The following OSBPL5 variants were observed in gnomAD, a reference collection of about 807,000 sequenced individuals.
OSBPL5 encodes oxysterol-binding protein-related protein 5.
In OSBPL5, 71 loss-of-function variants were observed where a neutral mutation model predicts 111.2. The observed-to-expected ratio is 0.64, with a 90% CI of 0.53 to 0.78. The LOEUF (loss-of-function observed/expected upper bound fraction) is 0.78. Among genes scored for constraint, OSBPL5 ranks in the 30% least tolerant of loss-of-function variants. OSBPL5 has a pLI of 0.00. For synonymous variants in OSBPL5, 549 were observed against 513.9 expected (o/e 1.07, Z -0.93); for missense variants, 1,210 against 1,189.3 (o/e 1.02, Z -0.26).
At chr11:3,096,511 C>T (rs1275517119) in intron 14 of OSBPL5, among the ~76,000 whole-genome samples, 2 of 150,920 alleles carry the variant, frequency 1.3e-5, no homozygotes, top group East Asian at 2.0e-4. Flanking sequence ...GCTAGCTACT[C>T]GGGAGGCTGA....
chr11:3,159,611 T>C (rs1846892830), intron 1 of OSBPL5, among the ~76,000 whole-genome samples: 1 of 152,086 alleles, frequency 6.6e-6, no homozygotes, highest in Admixed American at 6.5e-5. Flanking sequence ...CTGGGACCAA[T>C]GCCAAGTTCA....
At position 3,109,114 on chromosome 11, in the gene OSBPL5, G is replaced by T. The variant is rs1487228357; in HGVS notation, c.692-1169C>A. On this transcript the variant is annotated intron_variant, in intron 7 of 21. Coordinates refer to ENST00000263650, the MANE Select transcript of OSBPL5 (RefSeq NM_020896.4). This position sits in a 1 kb window ranked among gnomAD's most constrained non-coding sequence, Gnocchi z 7.4. ...TGTTTTTTTGTTGTTTTGAGATGGA[G>T]TCTCGCTCTGTCACCCAGGCTGGAG... Among the ~76,000 whole-genome samples the T allele has an allele frequency of 6.6e-6, 1 of 151,106 alleles. No individual in the cohort carries two copies. Among genetic ancestry groups the T allele is most frequent in the Non-Finnish European group, 1.5e-5 (1 of 67,900 alleles).
intron 21 of OSBPL5, among the ~76,000 whole-genome samples, chr11:3,088,549 A>T (rs1856952442): frequency 6.6e-6 from 1 of 152,088 alleles, no homozygotes; most frequent in Admixed American, 6.6e-5. Context: ...CTATACTGGG[A>T]TTCCCTGGGC....
intron 1 of OSBPL5, among the ~76,000 whole-genome samples, chr11:3,153,039 T>C (rs150227915): frequency 2.0e-3 from 307 of 152,006 alleles, no homozygotes; most frequent in African/African-American, 7.0e-3. Context: ...TCTGGGGCCA[T>C]TGAGTACAGG....
intron 15 of OSBPL5, 86 bp downstream of exon 15, chr11:3,094,151 T>G: frequency 7.5e-7 from 1 of 1,336,756 alleles, no homozygotes; most frequent in Non-Finnish European, 1.0e-6. Context: ...GGAACCTTCC[T>G]TGGGGCCTGG....
chr11:3,163,073 C>A (rs941412333), intron 1 of OSBPL5, among the ~76,000 whole-genome samples: 2 of 152,210 alleles, frequency 1.3e-5, no homozygotes, highest in Non-Finnish European at 2.9e-5. Flanking sequence ...CACTGTGCAA[C>A]CCTGGGCCTC....
chr11:3,138,425 A>C (rs1452679134), intron 1 of OSBPL5, among the ~76,000 whole-genome samples: 1 of 152,236 alleles, frequency 6.6e-6, no homozygotes, highest in Non-Finnish European at 1.5e-5. Context: ...AGCAGGGGTC[A>C]GCCGGGGAGG....
rs1856921944 is a variant in OSBPL5 at position 3,087,808 on chromosome 11, C to T, written c.*397G>A. On this transcript the variant is annotated 3_prime_UTR_variant, in exon 22 of 22. Transcript: ENST00000263650. Reference sequence around the variant, plus strand: ...ACTCCTGGGCCACTCGGGGCTCCTCCAAACCTGCCCACTCACTGCTGCTGG... The same window carrying T: ...ACTCCTGGGCCACTCGGGGCTCCTCTAAACCTGCCCACTCACTGCTGCTGG... The T allele has an allele frequency of 1.4e-5, 1 of 72,866 alleles. No homozygotes were observed. The highest frequency in any genetic ancestry group is 1.6e-4 in the Admixed American group (1 of 6,292). The allele number at this position is 72,866 out of a possible 1,614,324, so 4.5% of individuals were successfully genotyped here. A position where few individuals can be genotyped will look rare whatever the true frequency, so the allele number is the denominator to read the frequency against.
rs1360601046 is a variant in OSBPL5, at chr11:3,092,895, T to C, written c.2104A>G (p.Thr702Ala). The C allele has an allele frequency of 6.4e-7, 1 of 1,556,838 alleles. No individual in the cohort carries two copies. Among genetic ancestry groups the C allele is most frequent in the Non-Finnish European group, 8.7e-7 (1 of 1,149,660 alleles). Residue 702 changes from threonine to alanine, a missense_variant, in exon 18 of 22, where the codon ACC (threonine) becomes GCC (alanine). Coordinates refer to ENST00000263650, the MANE Select transcript of OSBPL5 (RefSeq NM_020896.4). This position sits in a 1 kb window ranked among gnomAD's most constrained non-coding sequence, Gnocchi z 5.4. ...TCGTATCGGTAGTGCCACTCCTGGG[T>C]GATGGGGTCCAGGTGGAACAGCTGC... ...KPQLFHLDPITQEWHYRYEDH... is the reference protein window; with the variant it reads ...KPQLFHLDPIAQEWHYRYEDH...
At chr11:3,127,006 C>A (rs1325593197) in intron 2 of OSBPL5, among the ~76,000 whole-genome samples, 1 of 152,166 alleles carries the variant, frequency 6.6e-6, no homozygotes. Context: ...GGGAGGTGGT[C>A]AGCCCTGTCT....
intron 20 of OSBPL5, 118 bp from the exon 21 acceptor site, chr11:3,090,066 C>T: frequency 1.4e-6 from 1 of 710,150 alleles, no homozygotes; most frequent in South Asian, 1.9e-5. Context: ...TCCACCCCAC[C>T]TCATGGGAAA....
rs1029197772 is a variant in OSBPL5, at chr11:3,130,563, T to C, written c.-21-1394A>G. Among the ~76,000 whole-genome samples the C allele has an allele frequency of 5.6e-4, 86 of 152,280 alleles. No homozygotes were observed. The Middle Eastern group carries it at 0.01, about 18-fold the overall frequency. Reference sequence around the variant, plus strand: ...TCAGAGTGGGGAGGGGCTCCAAGGATGCAGCCAGGCTGGGCCAGCCCCTCC... The same window carrying C: ...TCAGAGTGGGGAGGGGCTCCAAGGACGCAGCCAGGCTGGGCCAGCCCCTCC... On this transcript the variant is annotated intron_variant, in intron 1 of 21. Coordinates refer to ENST00000263650, the MANE Select transcript of OSBPL5 (RefSeq NM_020896.4). The surrounding 1 kb of genome is among the most constrained non-coding windows in gnomAD (Gnocchi z 4.5).
Position 3,112,556 on chromosome 11 carries a change from G to A in OSBPL5, c.692-4611C>T, listed in dbSNP as rs568060102. 2.1e-5 allele frequency among the ~76,000 whole-genome samples: 3 copies of A among 146,160 alleles called. No homozygotes were observed. The South Asian group carries it at 6.6e-4, about 32-fold the overall frequency. On this transcript the variant is annotated intron_variant, in intron 7 of 21. Coordinates refer to ENST00000263650, the MANE Select transcript of OSBPL5 (RefSeq NM_020896.4). ...GGCTTTTAAGGAAGAGTGTGGTTTA[G>A]ACACTTAGAAATGTCTTTGTTTAAA...
chr11:3,111,193 T>C (rs776535832), intron 7 of OSBPL5, among the ~76,000 whole-genome samples: 1 of 151,098 alleles, frequency 6.6e-6, no homozygotes, highest in Non-Finnish European at 1.5e-5. Flanking sequence ...TCTCAAAATT[T>C]GGTCGAGATC....
At position 3,149,758 on chromosome 11, in the gene OSBPL5, A is replaced by C. The variant is rs111936728; in HGVS notation, c.-22+15458T>G. ...TCATCAAACGACCCCCCCGTCACTG[A>C]CCAGTCAACGGGTGGTCACCGCCCT... On this transcript the variant is annotated intron_variant, in intron 1 of 21. Coordinates refer to ENST00000263650, the MANE Select transcript of OSBPL5 (RefSeq NM_020896.4). Among the ~76,000 whole-genome samples, 763 of 152,252 alleles carry C rather than the reference A, an allele frequency of 5.0e-3. 6 individuals carry two copies. The highest frequency in any genetic ancestry group is 0.018 in the African/African-American group (731 of 41,542).
At chr11:3,098,068 T>C (rs376661391) in intron 14 of OSBPL5, among the ~76,000 whole-genome samples, 14 of 151,814 alleles carry the variant, frequency 9.2e-5, no homozygotes, top group Non-Finnish European at 1.8e-4. Flanking sequence ...AACCCCAACT[T>C]CGTCTCAAAA....
chr11:3,103,943 G>A (rs1857608049), intron 10 of OSBPL5, among the ~76,000 whole-genome samples: 1 of 150,982 alleles, frequency 6.6e-6, no homozygotes, highest in African/African-American at 2.4e-5. Flanking sequence ...TCCAGCTCGA[G>A]GGTGCAGGGC....
In OSBPL5 at chr11:3,110,159, G is replaced by C. The variant is rs565450708; in HGVS notation, c.692-2214C>G. Reference sequence around the variant, plus strand: ...ATGTGGCACCGAGACTCCAACCTGAGAGGCACCGGAGCCCCGTGGTCAAGG... The same window carrying C: ...ATGTGGCACCGAGACTCCAACCTGACAGGCACCGGAGCCCCGTGGTCAAGG... On this transcript the variant is annotated intron_variant, in intron 7 of 21. Coordinates refer to ENST00000263650, the MANE Select transcript of OSBPL5 (RefSeq NM_020896.4). The surrounding 1 kb of genome is among the most constrained non-coding windows in gnomAD (Gnocchi z 5.3). Among the ~76,000 whole-genome samples, 8 of 152,324 alleles carry C rather than the reference G, an allele frequency of 5.3e-5. No individual in the cohort carries two copies. The South Asian group carries it at 1.7e-3, about 32-fold the overall frequency.
chr11:3,139,715 C>G (rs533490881), intron 1 of OSBPL5, among the ~76,000 whole-genome samples: 1 of 152,324 alleles, frequency 6.6e-6, no homozygotes, highest in African/African-American at 2.4e-5. Flanking sequence ...TCCTCTCTCT[C>G]TGTCTCTCGG....
Sources: gnomAD v4.1 joint callset for allele counts (sites outside exome capture counted in the v4.1 genomes callset) on GRCh38, gnomAD v4.1.1 for gene constraint, Gnocchi (gnomAD v3.1) non-coding constraint, MANE v1.5 for transcripts, NCBI Gene and HGNC (gene_info 2026-07-23, HGNC 2026-07-21) for gene names.